Variants in SLC9A4 observed in about 807,000 individuals in gnomAD.
SLC9A4 encodes solute carrier family 9 member A4.
SLC9A4 carries 63 observed loss-of-function variants against 67.4 expected under a neutral mutation model. That is an observed-to-expected ratio of 0.93 (90% CI 0.76 to 1.15). The LOEUF is 1.15. SLC9A4 is among the 50% of genes most tolerant of loss of function. SLC9A4 has a pLI of 0.00. For synonymous variants in SLC9A4, 393 were observed against 367.2 expected, an observed-to-expected ratio of 1.07 and a Z score of -0.80; for missense variants, 1,089 against 987.7, an observed-to-expected ratio of 1.10 and a Z score of -1.38.
intron 11 of SLC9A4, among the ~76,000 whole-genome samples, chr2:102,529,367 A>G (rs914739937): frequency 2.6e-5 from 4 of 152,248 alleles, no homozygotes; most frequent in Non-Finnish European, 4.4e-5. Context: ...AGTTTTAAAG[A>G]TGGGAAATCA....
chr2:102,482,608 C>T (rs1573328119), intron 2 of SLC9A4, among the ~76,000 whole-genome samples: 1 of 152,116 alleles, frequency 6.6e-6, no homozygotes, highest in African/African-American at 2.4e-5. Flanking sequence ...TTTCCTAGTT[C>T]ATCTCCCAGA....
At chr2:102,526,653 G>A (rs942115250) in intron 11 of SLC9A4, among the ~76,000 whole-genome samples, 4 of 152,116 alleles carry the variant, frequency 2.6e-5, no homozygotes, top group African/African-American at 9.7e-5. Context: ...GCCAGATAGA[G>A]ACCAAGGGTC....
chr2:102,489,562 G>C (rs548740153), intron 2 of SLC9A4, among the ~76,000 whole-genome samples: 2 of 152,144 alleles, frequency 1.3e-5, no homozygotes, highest in South Asian at 4.1e-4. Flanking sequence ...AAATGTCATT[G>C]CTGCACCCTA....
intron 10 of SLC9A4, 63 bp downstream of exon 10, chr2:102,525,218 CT>C: frequency 6.2e-7 from 1 of 1,605,354 alleles, no homozygotes; most frequent in Admixed American, 1.7e-5. Context: ...TCTGCTGAGC[CT>C]GTTCCTGTAC....
chr2:102,481,584 C>A (rs879577231), intron 2 of SLC9A4, among the ~76,000 whole-genome samples: 9 of 152,224 alleles, frequency 5.9e-5, no homozygotes, highest in African/African-American at 9.6e-5. Flanking sequence ...GCGTCTTGCT[C>A]ATTTTTCTTC....
chr2:102,515,786 G>C (rs1255221768), intron 8 of SLC9A4, among the ~76,000 whole-genome samples: 1 of 152,046 alleles, frequency 6.6e-6, no homozygotes, highest in Non-Finnish European at 1.5e-5. Flanking sequence ...AATCCTGTCT[G>C]TTAAGACACC....
intron 2 of SLC9A4, among the ~76,000 whole-genome samples, chr2:102,488,535 T>C (rs1684633123): frequency 6.9e-6 from 1 of 144,964 alleles, no homozygotes; most frequent in Non-Finnish European, 1.5e-5. Flanking sequence ...TGAGAGACCA[T>C]GAAATCTAAT....
At chr2:102,530,442 G>A (rs1223626903) in intron 11 of SLC9A4, among the ~76,000 whole-genome samples, 1 of 152,206 alleles carries the variant, frequency 6.6e-6, no homozygotes, top group Non-Finnish European at 1.5e-5. Flanking sequence ...TCCTTTTTCT[G>A]CCTTCTGCTT....
At position 102,473,337 on chromosome 2, in the gene SLC9A4, C is replaced by A; in HGVS notation, c.-423C>A. On this transcript the variant is annotated 5_prime_UTR_variant, in exon 1 of 12. Coordinates refer to ENST00000295269, the MANE Select transcript of SLC9A4 (RefSeq NM_001011552.4). ...AGGTTTCCTTTCCTCATTAGAAGGA[C>A]TCCAGTGATCTGTGGAATGAGCACT... 6.3e-6 allele frequency: 1 copy of A among 159,158 alleles called. No homozygotes were observed. The highest frequency in any genetic ancestry group is 1.8e-4 in the East Asian group (1 of 5,546). The allele number at this position is 159,158 out of a possible 1,614,324, so 9.9% of individuals were successfully genotyped here. A position where few individuals can be genotyped will look rare whatever the true frequency, so the allele number is the denominator to read the frequency against.
At chr2:102,510,779 A>G (rs898906950) in intron 6 of SLC9A4, among the ~76,000 whole-genome samples, 4 of 152,222 alleles carry the variant, frequency 2.6e-5, no homozygotes, top group Non-Finnish European at 5.9e-5. Flanking sequence ...TTTTGCAAAC[A>G]TGGCCGAGTG....
chr2:102,480,602 T>C (rs1215471968), intron 2 of SLC9A4, among the ~76,000 whole-genome samples: 4 of 152,260 alleles, frequency 2.6e-5, no homozygotes, highest in Non-Finnish European at 5.9e-5. Flanking sequence ...ATATTGAATA[T>C]TCTTTTTTTC....
In SLC9A4 at chr2:102,514,149, A is replaced by T; in HGVS notation, c.1619A>T (p.Lys540Ile). ...ATCCTCATCAGAAAGAACCTACCCA[A>T]ATCAAGCATTGTTTCTTTGTACAAG... ...RKILIRKNLP[K>I]SSIVSLYKKL... Residue 540 changes from lysine (K) to isoleucine (I), a missense_variant, in exon 8 of 12, where the codon AAA (lysine) becomes ATA (isoleucine). Coordinates refer to ENST00000295269, the MANE Select transcript of SLC9A4 (RefSeq NM_001011552.4). 6.2e-7 allele frequency: 1 copy of T among 1,614,118 alleles called. No individual in the cohort carries two copies. Among genetic ancestry groups the T allele is most frequent in the Non-Finnish European group, 8.5e-7 (1 of 1,180,012 alleles).
At chr2:102,502,354 G>C (rs1684958538) in intron 2 of SLC9A4, among the ~76,000 whole-genome samples, 1 of 152,170 alleles carries the variant, frequency 6.6e-6, no homozygotes, top group Non-Finnish European at 1.5e-5. Context: ...TGTCACATAG[G>C]CTAGAATCGT....
chr2:102,484,807 C>G (rs1344617275), intron 2 of SLC9A4, among the ~76,000 whole-genome samples: 3 of 152,180 alleles, frequency 2.0e-5, no homozygotes, highest in Admixed American at 2.0e-4. Context: ...AGGGTTGAAG[C>G]TGGAACCCAA....
Position 102,525,170 on chromosome 2 carries a change from G to A in SLC9A4, c.1950+15G>A, listed in dbSNP as rs1344534842. On this transcript the variant is annotated intron_variant, in intron 10 of 11. Coordinates refer to ENST00000295269, the MANE Select transcript of SLC9A4 (RefSeq NM_001011552.4). ...GGGGAAAGCCGGTACATTGGGGCTG[G>A]GGACTGGGACATTCCTTCAGTGTGC... 6.2e-7 allele frequency: 1 copy of A among 1,613,740 alleles called. No homozygotes were observed.
At chr2:102,502,719 CA>C (rs1428031195) in intron 2 of SLC9A4, among the ~76,000 whole-genome samples, 2 of 152,234 alleles carry the variant, frequency 1.3e-5, no homozygotes, top group East Asian at 3.8e-4. Flanking sequence ...CATCAGTCAG[CA>C]ATCCCTGTGC....
chr2:102,531,209 C>T (rs1674773870), intron 11 of SLC9A4, among the ~76,000 whole-genome samples: 1 of 151,714 alleles, frequency 6.6e-6, no homozygotes, highest in African/African-American at 2.4e-5. Context: ...ACTACAGGTG[C>T]CCACCACCAC....
chr2:102,495,098 C>A (rs1684779836), intron 2 of SLC9A4, among the ~76,000 whole-genome samples: 1 of 151,822 alleles, frequency 6.6e-6, no homozygotes, highest in Non-Finnish European at 1.5e-5. Flanking sequence ...AAAGAAGCCT[C>A]AATAACTTTA....
rs776059407 is a variant in SLC9A4 at position 102,473,956 on chromosome 2, A to G, written c.197A>G (p.Tyr66Cys). ...TCTGTTTTTGAACTGGATTATGACTATGTGCAAATTCCTTATGAGGTCACT... is the reference window on the plus strand; with the variant it reads ...TCTGTTTTTGAACTGGATTATGACTGTGTGCAAATTCCTTATGAGGTCACT... ...GISVFELDYD[Y>C]VQIPYEVTLW... The change falls in exon 1 of 12, where the codon TAT (tyrosine) becomes TGT (cysteine). Residue 66 changes from tyrosine (Y) to cysteine (C), a missense_variant. Coordinates refer to ENST00000295269, the MANE Select transcript of SLC9A4 (RefSeq NM_001011552.4). The G allele has an allele frequency of 3.1e-6, 5 of 1,614,072 alleles. No homozygotes were observed. The highest frequency in any genetic ancestry group is 4.2e-6 in the Non-Finnish European group (5 of 1,179,934).
Sources: allele counts gnomAD v4.1 joint callset (sites outside exome capture counted in the v4.1 genomes callset), GRCh38; gene constraint gnomAD v4.1.1; transcripts MANE v1.5; gene names NCBI Gene and HGNC (gene_info 2026-07-23, HGNC 2026-07-21).